The following RGS3 variants were observed in gnomAD, a reference collection of about 807,000 sequenced individuals.
RGS3 encodes the protein regulator of G-protein signalling 3.
Under a neutral mutation model 132.6 loss-of-function variants are expected in RGS3, and 80 were observed. That is an observed-to-expected ratio of 0.60 (90% CI 0.50 to 0.73). The LOEUF is 0.73. Ranked by LOEUF, RGS3 falls within the 30% of genes least tolerant of loss-of-function variation. RGS3 has a pLI of 0.00. For synonymous variants in RGS3, 598 were observed against 620.6 expected (o/e 0.96, Z 0.54); for missense variants, 1,382 against 1,530.8 (o/e 0.90, Z 1.62).
intron 19 of RGS3, among the ~76,000 whole-genome samples, chr9:113,550,092 G>A (rs1487065585): frequency 6.6e-6 from 1 of 152,210 alleles, no homozygotes; most frequent in Non-Finnish European, 1.5e-5. Flanking sequence ...TGTTGGGCGC[G>A]GTGGCTCATG....
chr9:113,464,720 C>T (rs1267320940), intron 3 of RGS3, among the ~76,000 whole-genome samples: 1 of 152,212 alleles, frequency 6.6e-6, no homozygotes, highest in Non-Finnish European at 1.5e-5. Flanking sequence ...CCAGAGATGA[C>T]CTGTCCAGCG....
intron 20 of RGS3, among the ~76,000 whole-genome samples, chr9:113,584,931 A>G (rs1835043502): frequency 6.6e-6 from 1 of 152,226 alleles, no homozygotes; most frequent in South Asian, 2.1e-4. Context: ...AGGCAAAGAG[A>G]GGTTATCTAA....
At chr9:113,595,910 T>A in intron 24 of RGS3, 145 bp downstream of exon 22, 1 of 876,178 alleles carries the variant, frequency 1.1e-6, no homozygotes, top group South Asian at 1.7e-5. Flanking sequence ...AGATGCAAGC[T>A]AGGATCAGGG....
At chr9:113,576,374 C>G (rs1834525268) in intron 19 of RGS3, among the ~76,000 whole-genome samples, 1 of 149,260 alleles carries the variant, frequency 6.7e-6, no homozygotes, top group African/African-American at 2.5e-5. Flanking sequence ...GCTCTGTCAC[C>G]AGGCTGGAGT....
At chr9:113,532,646 C>A (rs1287084572) in intron 18 of RGS3, among the ~76,000 whole-genome samples, 6 of 152,168 alleles carry the variant, frequency 3.9e-5, no homozygotes, top group Non-Finnish European at 8.8e-5. Context: ...CAGGCATAAT[C>A]ATGGCTATTA....
chr9:113,567,489 G>C (rs1168497664), intron 19 of RGS3, among the ~76,000 whole-genome samples: 1 of 152,234 alleles, frequency 6.6e-6, no homozygotes, highest in Non-Finnish European at 1.5e-5. Flanking sequence ...ATGCAAGTCA[G>C]CTGTGTCCGC....
At chr9:113,536,412 C>A in intron 18 of RGS3, 1 of 897,706 alleles carries the variant, frequency 1.1e-6, no homozygotes. Context: ...TTCCTGGCTC[C>A]ACAGAGAATC....
chr9:113,505,343 G>A (rs1262207780), intron 10 of RGS3, 99 bp from the exon 9 acceptor site: 17 of 972,480 alleles, frequency 1.7e-5, no homozygotes, highest in Non-Finnish European at 2.8e-5. Context: ...TTGGAGAGGA[G>A]GGTGGCTCTT....
At chr9:113,480,039 G>T (rs941469971) in intron 4 of RGS3, among the ~76,000 whole-genome samples, 8 of 152,178 alleles carry the variant, frequency 5.3e-5, no homozygotes, top group Admixed American at 5.2e-4. Flanking sequence ...TTTCTCATCT[G>T]TCAAGTAGTG....
At chr9:113,568,656 G>T (rs1452630292) in intron 19 of RGS3, among the ~76,000 whole-genome samples, 1 of 152,266 alleles carries the variant, frequency 6.6e-6, no homozygotes, top group Non-Finnish European at 1.5e-5. Context: ...CCAAGCCGAA[G>T]CTGGGAGGTT....
intron 7 of RGS3, among the ~76,000 whole-genome samples, chr9:113,488,335 A>G (rs1830401208): frequency 6.6e-6 from 1 of 152,160 alleles, no homozygotes; most frequent in Non-Finnish European, 1.5e-5. Context: ...AGTAGGGCTC[A>G]CCTTTGCCTA....
chr9:113,533,233 G>GTTTT (rs796998306), intron 18 of RGS3, among the ~76,000 whole-genome samples: 4 of 139,628 alleles, frequency 2.9e-5, no homozygotes, highest in African/African-American at 5.3e-5. Context: ...GGAAAATTCT[G>GTTTT]TTTTTTTTTT....
rs1266285838 is a variant in RGS3, at chr9:113,569,072, C to T, written c.2038-14378C>T. 2.0e-5 allele frequency among the ~76,000 whole-genome samples: 3 copies of T among 152,368 alleles called. No homozygotes were observed. The East Asian group carries it at 5.8e-4, about 29-fold the overall frequency. On this transcript the variant is annotated intron_variant, in intron 19 of 24. Coordinates refer to ENST00000350696, the Ensembl canonical transcript of RGS3. ...ATGGCCCAGGGCTTCTCCCCTCTCC[C>T]TGCCCTCCATGGGCCAGCCCGCTTG... is the stretch of plus-strand genomic sequence containing the variant.
At chr9:113,549,988 G>A (rs1157423140) in intron 19 of RGS3, among the ~76,000 whole-genome samples, 2 of 152,074 alleles carry the variant, frequency 1.3e-5, no homozygotes, top group African/African-American at 4.8e-5. Context: ...GTGAGACCCT[G>A]TCTCTGAATG....
intron 19 of RGS3, among the ~76,000 whole-genome samples, chr9:113,551,232 C>A (rs1833325275): frequency 6.6e-6 from 1 of 152,202 alleles, no homozygotes; most frequent in Non-Finnish European, 1.5e-5. Flanking sequence ...AATATTTGGA[C>A]TTTTGTGACT....
At chr9:113,551,291 A>G (rs981617533) in intron 19 of RGS3, among the ~76,000 whole-genome samples, 2 of 152,210 alleles carry the variant, frequency 1.3e-5, no homozygotes, top group South Asian at 4.1e-4. Context: ...ATGTTGTAGC[A>G]TGTATCAGCA....
intron 3 of RGS3, among the ~76,000 whole-genome samples, chr9:113,470,359 CTGTGAT>C (rs1475456321): frequency 6.6e-6 from 1 of 152,192 alleles, no homozygotes; most frequent in Non-Finnish European, 1.5e-5. Flanking sequence ...AGAATTCCCA[CTGTGAT>C]TGTAAATTTG....
Position 113,463,611 on chromosome 9 carries a change from T to A in RGS3, c.415+1410T>A. ...CTCCCCCACCCCGGCCCAGCTCTGC[T>A]CCGGCAGGTGGAACTCTCCCCATTC... On this transcript the variant is annotated intron_variant, in intron 3 of 24. Transcript: ENST00000350696. This position sits in a 1 kb window ranked among gnomAD's most constrained non-coding sequence, Gnocchi z 4.6. 2 of 901,344 alleles carry A rather than the reference T, an allele frequency of 2.2e-6. No individual in the cohort carries two copies. The highest frequency in any genetic ancestry group is 2.9e-6 in the Non-Finnish European group (2 of 684,838). 55.8% of individuals were successfully genotyped at this position (901,344 alleles called of 1,614,324 possible). A position where few individuals can be genotyped will look rare whatever the true frequency, so the allele number is the denominator to read the frequency against.
chr9:113,448,989 C>T (rs1403810369), intron 1 of RGS3, among the ~76,000 whole-genome samples: 1 of 152,086 alleles, frequency 6.6e-6, no homozygotes, highest in Non-Finnish European at 1.5e-5. Flanking sequence ...GCATAGTGTT[C>T]CTATCTCAGA....
Sources: gnomAD v4.1 joint callset for allele counts (sites outside exome capture counted in the v4.1 genomes callset) on GRCh38, gnomAD v4.1.1 for gene constraint, Gnocchi (gnomAD v3.1) non-coding constraint, MANE v1.5 for transcripts, NCBI Gene and HGNC (gene_info 2026-07-23, HGNC 2026-07-21) for gene names.